Variants in TP63 observed in about 807,000 individuals in gnomAD.
TP63 encodes tumor protein p63, also known as tumor protein 63.
In TP63, 17 loss-of-function variants were observed where a neutral mutation model predicts 82.8. The ratio of observed to expected loss-of-function variants is 0.21; its 90% CI spans 0.14 to 0.31. TP63 has a LOEUF of 0.31. Ranked by LOEUF, TP63 falls within the 10% of genes least tolerant of loss-of-function variation. The pLI is 1.00. For missense variants in TP63, 648 were observed against 895.3 expected (o/e 0.72, Z 3.52); for synonymous variants, 330 against 321.7 (o/e 1.03, Z -0.28).
intron 3 of TP63, among the ~76,000 whole-genome samples, chr3:189,802,394 T>A (rs1726407672): frequency 6.6e-6 from 1 of 152,212 alleles, no homozygotes; most frequent in African/African-American, 2.4e-5. Context: ...GTCAGGGACA[T>A]CTGTATAGAG....
chr3:189,766,459 C>T (rs1214241466), intron 3 of TP63, among the ~76,000 whole-genome samples: 1 of 151,762 alleles, frequency 6.6e-6, no homozygotes, highest in Non-Finnish European at 1.5e-5. Context: ...TAAGGTATTA[C>T]ACTAATAAAG....
In TP63 at chr3:189,840,283, G is replaced by C. The variant is rs187554067; in HGVS notation, c.580-23949G>C. The stretch of plus-strand genomic sequence containing the variant: ...AAAGGTAGACGTCTACCATAATTCA[G>C]TCTATTGCTCCAATTGGAGGATGTA... On this transcript the variant is annotated intron_variant, in intron 4 of 13. Transcript: ENST00000264731. 3.3e-4 allele frequency among the ~76,000 whole-genome samples: 48 copies of C among 145,590 alleles called. 1 individual carries two copies. Among genetic ancestry groups the C allele is most frequent in the African/African-American group, 1.2e-3 (46 of 39,596 alleles).
At chr3:189,661,285 G>T (rs1188939969) in intron 1 of TP63, among the ~76,000 whole-genome samples, 1 of 151,890 alleles carries the variant, frequency 6.6e-6, no homozygotes, top group Non-Finnish European at 1.5e-5. Context: ...TCATGATGGG[G>T]TGTTGGATTT....
At chr3:189,602,638 C>G in the TP63 span, among the ~76,000 whole-genome samples, 8 of 152,236 alleles carry the variant, frequency 5.3e-5, no homozygotes, top group South Asian at 1.7e-3. Flanking sequence ...TGCATCCGAG[C>G]CAGCAAGTAT....
intron 4 of TP63, among the ~76,000 whole-genome samples, chr3:189,838,613 GC>G (rs1713495408): frequency 6.6e-6 from 1 of 151,982 alleles, no homozygotes; most frequent in Admixed American, 6.6e-5. Context: ...CAACACAGAT[GC>G]TTATGTATTA....
At chr3:189,772,942 C>CTGTATACTT (rs1421050893) in intron 3 of TP63, among the ~76,000 whole-genome samples, 2 of 152,178 alleles carry the variant, frequency 1.3e-5, no homozygotes, top group African/African-American at 4.8e-5. Context: ...CTGAAGGCAG[C>CTGTATACTT]TGTATACTTA....
chr3:189,656,779 A>T (rs1412818843), intron 1 of TP63, among the ~76,000 whole-genome samples: 1 of 152,226 alleles, frequency 6.6e-6, no homozygotes, highest in Non-Finnish European at 1.5e-5. Flanking sequence ...ATTCTCTAAG[A>T]ATACATAGCA....
At chr3:189,873,728 T>C (rs557686252) in intron 10 of TP63, among the ~76,000 whole-genome samples, 1 of 152,344 alleles carries the variant, frequency 6.6e-6, no homozygotes, top group African/African-American at 2.4e-5. Flanking sequence ...TAGAATAGAA[T>C]AGCTCTTATG....
At chr3:189,859,085 A>G (rs907825022) in intron 4 of TP63, among the ~76,000 whole-genome samples, 5 of 152,188 alleles carry the variant, frequency 3.3e-5, no homozygotes, top group African/African-American at 4.8e-5. Context: ...ACAGTAATGT[A>G]TTGCATATTT....
chr3:189,824,627 C>T (rs1181259405), intron 4 of TP63, among the ~76,000 whole-genome samples: 1 of 152,122 alleles, frequency 6.6e-6, no homozygotes, highest in Non-Finnish European at 1.5e-5. Flanking sequence ...TGTCACACGG[C>T]ACTGCCCCTT....
intron 3 of TP63, 59 bp downstream of exon 3, chr3:189,738,833 A>T: frequency 6.3e-7 from 1 of 1,599,974 alleles, no homozygotes; most frequent in Non-Finnish European, 8.5e-7. Flanking sequence ...GCTCTGTTAA[A>T]CCTGTCTTTT....
intron 11 of TP63, among the ~76,000 whole-genome samples, chr3:189,888,183 A>G (rs1455211286): frequency 1.3e-5 from 2 of 151,938 alleles, no homozygotes; most frequent in Admixed American, 1.3e-4. Context: ...AATGAGATAG[A>G]GGTGTGTGTG....
In TP63 at chr3:189,827,546, T is replaced by C. The variant is rs928133447; in HGVS notation, c.579+19020T>C. 2.0e-5 allele frequency among the ~76,000 whole-genome samples: 3 copies of C among 152,340 alleles called. No homozygotes were observed. In the East Asian group the frequency reaches 5.8e-4, roughly 29 times the overall value. On this transcript the variant is annotated intron_variant, in intron 4 of 13. Coordinates refer to ENST00000264731, the MANE Select transcript of TP63 (RefSeq NM_003722.5). ...TGCTAGTTTCACAGAAAACTTTGCA[T>C]TTAAAGTTGGGCCTTCAAGGATAAG...
Position 189,894,316 on chromosome 3 carries a change from C to T in TP63, c.1857C>T (p.Thr619=), listed in dbSNP as rs1355041654. 1 of 1,613,814 alleles carries T rather than the reference C, an allele frequency of 6.2e-7. No homozygotes were observed. The highest frequency in any genetic ancestry group is 8.5e-7 in the Non-Finnish European group (1 of 1,179,978). Residue 619 remains threonine (T), a synonymous_variant, in exon 14 of 14, where the codon ACC becomes ACT. Transcript: ENST00000264731. ...EFSSPSHLLR[T]PSSASTVSVG... ...CCTCCCCTTCTCATCTCCTGCGGAC[C>T]CCAAGCAGTGCCTCTACAGTCAGTG...
At chr3:189,783,462 A>G (rs182319446) in intron 3 of TP63, among the ~76,000 whole-genome samples, 78 of 152,066 alleles carry the variant, frequency 5.1e-4, no homozygotes, top group African/African-American at 1.9e-3. Flanking sequence ...TTTCAACAAC[A>G]TATTTGTAAT....
chr3:189,879,466 A>G (rs1172974069), intron 10 of TP63, among the ~76,000 whole-genome samples: 1 of 152,198 alleles, frequency 6.6e-6, no homozygotes, highest in African/African-American at 2.4e-5. Flanking sequence ...ATCTGGGAAT[A>G]TCCAAAATAC....
chr3:189,800,334 G>T (rs1726152900), intron 3 of TP63, among the ~76,000 whole-genome samples: 2 of 152,070 alleles, frequency 1.3e-5, no homozygotes, highest in African/African-American at 4.8e-5. Context: ...AGCTGCTCAA[G>T]GAATTTAAGC....
At chr3:189,767,302 C>A (rs1049839822) in intron 3 of TP63, among the ~76,000 whole-genome samples, 5 of 151,796 alleles carry the variant, frequency 3.3e-5, no homozygotes, top group African/African-American at 1.2e-4. Flanking sequence ...AAAACATGAA[C>A]AGTAATAACT....
chr3:189,757,200 A>T (rs193059049), intron 3 of TP63, among the ~76,000 whole-genome samples: 109 of 152,320 alleles, frequency 7.2e-4, no homozygotes, highest in African/African-American at 2.5e-3. Context: ...GACTTCTCCA[A>T]CATTTCTGAT....
Sources: gnomAD v4.1 joint callset for allele counts (sites outside exome capture counted in the v4.1 genomes callset) on GRCh38, gnomAD v4.1.1 for gene constraint, MANE v1.5 for transcripts, NCBI Gene and HGNC (gene_info 2026-07-23, HGNC 2026-07-21) for gene names.